PDE6A: variants seen among roughly 807,000 people sequenced by gnomAD.
PDE6A encodes phosphodiesterase 6A, also known as rod cGMP-specific 3',5'-cyclic phosphodiesterase subunit alpha.
A neutral mutation model predicts 106.3 loss-of-function variants in PDE6A; 84 were observed. That is an observed-to-expected ratio of 0.79 (90% CI 0.66 to 0.95). The LOEUF is 0.95. Among genes scored for constraint, PDE6A ranks in the 40% least tolerant of loss-of-function variants. PDE6A has a pLI of 0.00. For missense variants in PDE6A, 1,052 were observed against 1,084.9 expected, an observed-to-expected ratio of 0.97 and a Z score of 0.43; for synonymous variants, 394 against 386.6, an observed-to-expected ratio of 1.02 and a Z score of -0.23.
rs200339546 is a variant in PDE6A at position 149,894,034 on chromosome 5, G to A, written c.1728+1149C>T. On this transcript the variant is annotated intron_variant, in intron 13 of 21. Coordinates refer to ENST00000255266, the MANE Select transcript of PDE6A (RefSeq NM_000440.3). ...CACTCTTGCTGGTAGAGGGGTACCA[G>A]TTATAGGGAATTTAAAGCTGATTAT... 4.6e-5 allele frequency among the ~76,000 whole-genome samples: 7 copies of A among 152,308 alleles called. No homozygotes were observed. The East Asian group carries it at 1.4e-3, about 29-fold the overall frequency.
chr5:149,903,591 C>T lies in PDE6A; in HGVS notation c.1113+57G>A, dbSNP rs1228837390. The T allele has an allele frequency of 3.0e-6, 4 of 1,321,940 alleles. No homozygotes were observed. In the African/African-American group the frequency reaches 5.8e-5, roughly 19 times the overall value. The allele number at this position is 1,321,940 out of a possible 1,614,324, so 81.9% of individuals were successfully genotyped here. A position where few individuals can be genotyped will look rare whatever the true frequency, so the allele number is the denominator to read the frequency against. ...GGGTGGATTCTAATGTATTCTAATGCTCTTTGGGGAGGAAAAAAAATCATA... is the reference window on the plus strand; with the variant it reads ...GGGTGGATTCTAATGTATTCTAATGTTCTTTGGGGAGGAAAAAAAATCATA... On this transcript the variant is annotated intron_variant, in intron 8 of 21. Transcript: ENST00000255266.
intron 2 of PDE6A, 107 bp downstream of exon 2, chr5:149,934,459 T>G: frequency 1.9e-6 from 2 of 1,077,716 alleles, no homozygotes; most frequent in Non-Finnish European, 2.9e-6. Flanking sequence ...ATTCCCTGTC[T>G]TACAGATGGG....
At chr5:149,884,332 A>G (rs1761053692) in intron 16 of PDE6A, 147 bp downstream of exon 16, 3 of 619,058 alleles carry the variant, frequency 4.8e-6, no homozygotes, top group Admixed American at 5.1e-5. Flanking sequence ...ATGTGTATAT[A>G]TGTATATATA....
chr5:149,929,500 G>A (rs1009842268), intron 4 of PDE6A, among the ~76,000 whole-genome samples: 4 of 152,048 alleles, frequency 2.6e-5, no homozygotes, highest in Admixed American at 6.6e-5. Context: ...CCAGCTACTC[G>A]GGAGACTGAG....
chr5:149,883,825 A>G (rs567615773), intron 16 of PDE6A, among the ~76,000 whole-genome samples: 7 of 152,364 alleles, frequency 4.6e-5, no homozygotes, highest in African/African-American at 1.7e-4. Flanking sequence ...CAATGTGTCC[A>G]TAACACACGT....
rs768849272 is a variant in PDE6A at position 149,944,359 on chromosome 5, G to A, written c.315C>T (p.Ile105=). The part of the protein sequence containing the change: ...SLFMYRTRNG[I]AELATRLFNV... ...TGAAAAGCCTGGTGGCCAGCTCTGC[G>A]ATGCCATTGCGGGTCCGGTACATGA... Residue 105 remains isoleucine (I), a synonymous_variant, in exon 1 of 22, where the codon ATC becomes ATT. Coordinates refer to ENST00000255266, the MANE Select transcript of PDE6A (RefSeq NM_000440.3). 19 of 1,613,992 alleles carry A rather than the reference G, an allele frequency of 1.2e-5. No individual in the cohort carries two copies. The highest frequency in any genetic ancestry group is 5.3e-5 in the African/African-American group (4 of 74,914).
In PDE6A at chr5:149,884,829, A is replaced by G. The variant is rs201885412; in HGVS notation, c.1877T>C (p.Ile626Thr). ...NPLAKLHGSS[I>T]LERHHLEFGK... ...AAACTCCAAGTGGTGTCTTTCCAAG[A>G]TAGAGGACCCATGGAGCTTGGCCAG... Residue 626 changes from isoleucine (I) to threonine (T), a missense_variant, in exon 15 of 22, where the codon ATC becomes ACC. Transcript: ENST00000255266. 2.3e-5 allele frequency: 37 copies of G among 1,614,086 alleles called. No homozygotes were observed. The highest frequency in any genetic ancestry group is 5.9e-6 in the Non-Finnish European group (7 of 1,180,048).
At chr5:149,937,345 C>T (rs1253007952) in intron 1 of PDE6A, among the ~76,000 whole-genome samples, 1 of 152,136 alleles carries the variant, frequency 6.6e-6, no homozygotes, top group African/African-American at 2.4e-5. Flanking sequence ...GCTTTGGAGG[C>T]CATGGGAAAG....
chr5:149,892,636 G>A (rs994595157), intron 13 of PDE6A, among the ~76,000 whole-genome samples: 1 of 151,876 alleles, frequency 6.6e-6, no homozygotes, highest in African/African-American at 2.4e-5. Context: ...GACCACAGGC[G>A]TGCGCCACCA....
chr5:149,921,753 C>T (rs771150777), intron 4 of PDE6A, 44 bp from the exon 5 acceptor site: 3 of 1,507,954 alleles, frequency 2.0e-6, no homozygotes, highest in Non-Finnish European at 2.8e-6. Context: ...GAAAAGAGAT[C>T]AAGGAAAGGA....
At chr5:149,898,320 G>T (rs757940319) in intron 10 of PDE6A, 43 bp downstream of exon 10, 1 of 1,594,658 alleles carries the variant, frequency 6.3e-7, no homozygotes. Flanking sequence ...TCTCTGAGAC[G>T]CAGTCTGTAT....
Position 149,901,254 on chromosome 5 carries a change from C to T in PDE6A, c.1114-1730G>A, listed in dbSNP as rs559899901. Among the ~76,000 whole-genome samples, 75 of 152,108 alleles carry T rather than the reference C, an allele frequency of 4.9e-4. 1 individual carries two copies. Among genetic ancestry groups the T allele is most frequent in the Non-Finnish European group, 9.1e-4 (62 of 68,018 alleles). Reference sequence around the variant, plus strand: ...TTAAAAACATTATTCAGGGGCTGGGCGCAGTGGCTCACGCCTGTAATCCCA... The same window carrying T: ...TTAAAAACATTATTCAGGGGCTGGGTGCAGTGGCTCACGCCTGTAATCCCA... On this transcript the variant is annotated intron_variant, in intron 8 of 21. Coordinates refer to ENST00000255266, the MANE Select transcript of PDE6A (RefSeq NM_000440.3).
intron 13 of PDE6A, 134 bp downstream of exon 13, chr5:149,895,049 A>G (rs1752684765): frequency 2.9e-6 from 2 of 698,640 alleles, no homozygotes; most frequent in Non-Finnish European, 5.3e-6. Context: ...CTAAGCCCGT[A>G]CTGCTTTCAC....
At chr5:149,903,139 A>G (rs1443868055) in intron 8 of PDE6A, among the ~76,000 whole-genome samples, 1 of 90,486 alleles carries the variant, frequency 1.1e-5, no homozygotes, top group Non-Finnish European at 2.1e-5. Context: ...ACAGAGTGAG[A>G]CCCTCTCTAA....
chr5:149,943,008 C>T (rs1390552733), intron 1 of PDE6A, among the ~76,000 whole-genome samples: 3 of 151,362 alleles, frequency 2.0e-5, no homozygotes, highest in Non-Finnish European at 4.4e-5. Context: ...AAGAGGCCTT[C>T]CTCTTTCACT....
intron 7 of PDE6A, among the ~76,000 whole-genome samples, chr5:149,907,030 C>G (rs1209958566): frequency 6.6e-6 from 1 of 152,194 alleles, no homozygotes; most frequent in Non-Finnish European, 1.5e-5. Flanking sequence ...CCTCGGCCCC[C>G]CAAAGTTCTG....
rs1753888637 is a variant in PDE6A at position 149,927,188 on chromosome 5, C to A, written c.858+3840G>T. Among the ~76,000 whole-genome samples, 4 of 152,064 alleles carry A rather than the reference C, an allele frequency of 2.6e-5. No homozygotes were observed. In the South Asian group the frequency reaches 8.3e-4, roughly 32 times the overall value. On this transcript the variant is annotated intron_variant, in intron 4 of 21. Coordinates refer to ENST00000255266, the MANE Select transcript of PDE6A (RefSeq NM_000440.3). ...CCTAAACATAGCTAAACATAAAAAA[C>A]ACAGTAAAAATAAGGTATAAAAGTT...
intron 5 of PDE6A, among the ~76,000 whole-genome samples, chr5:149,921,222 T>C (rs905946345): frequency 6.6e-6 from 1 of 152,254 alleles, no homozygotes; most frequent in Admixed American, 6.5e-5. Flanking sequence ...CTGTTTGGTC[T>C]ACCCCGCAAG....
rs893753338 is a variant in PDE6A, at chr5:149,895,207, C to T, written c.1704G>A (p.Gly568=). The part of the protein sequence containing the change: ...YHNWRHGFNV[G]QTMFSLLVTG... ...CCACCAGCAGGGAGAACATGGTCTG[C>T]CCCACGTTGAAGCCGTGCCGCCAGT... Residue 568 remains glycine (G), a synonymous_variant, in exon 13 of 22, where the codon GGG becomes GGA. Transcript: ENST00000255266. 2.5e-6 allele frequency: 4 copies of T among 1,613,598 alleles called. No homozygotes were observed. The South Asian group carries it at 4.4e-5, about 18-fold the overall frequency.
Sources: allele counts gnomAD v4.1 joint callset (sites outside exome capture counted in the v4.1 genomes callset), GRCh38; gene constraint gnomAD v4.1.1; transcripts MANE v1.5; gene names NCBI Gene and HGNC (gene_info 2026-07-23, HGNC 2026-07-21).